ZNF536: variants seen among roughly 807,000 people sequenced by gnomAD.
ZNF536 encodes zinc finger protein 536.
Under a neutral mutation model 84.5 loss-of-function variants are expected in ZNF536, and 13 were observed. The observed-to-expected ratio is 0.15, with a 90% CI of 0.10 to 0.24. The LOEUF (loss-of-function observed/expected upper bound fraction) is 0.24, where lower values mean the gene tolerates loss of function less well. ZNF536 is among the 10% of genes least tolerant of loss of function. The pLI is 1.00. For synonymous variants in ZNF536, 811 were observed against 742.5 expected (o/e 1.09, Z -1.50); for missense variants, 1,536 against 1,747.5 (o/e 0.88, Z 2.16).
chr19:30,474,578 T>C (rs1317511145), intron 2 of ZNF536, among the ~76,000 whole-genome samples: 1 of 152,122 alleles, frequency 6.6e-6, no homozygotes, highest in Non-Finnish European at 1.5e-5. Context: ...AAAGCACTGA[T>C]GTGTTGTCAA....
chr19:30,230,549 C>T (rs531545375), intron 1 of ZNF536, among the ~76,000 whole-genome samples: 6 of 152,290 alleles, frequency 3.9e-5, no homozygotes, highest in African/African-American at 1.4e-4. Flanking sequence ...GCGACAGTCA[C>T]GCTGTTCTGG....
Position 30,383,763 on chromosome 19 carries a change from C to CTTTCTTTCTTCTTTCT in ZNF536, c.-3+11217_-3+11218insCTTTCTTTTCTTTCTT, listed in dbSNP as rs1555737993. Among the ~76,000 whole-genome samples, 91 of 83,320 alleles carry CTTTCTTTCTTCTTTCT rather than the reference C, an allele frequency of 1.1e-3. 8 individuals carry two copies. Among genetic ancestry groups the CTTTCTTTCTTCTTTCT allele is most frequent in the South Asian group, 1.8e-3 (4 of 2,202 alleles). 54.7% of individuals were successfully genotyped at this position (83,320 alleles called of 152,430 possible). Reference sequence around the variant, plus strand: ...TCTTTCTCTTTCTTTCTTTCTCTTTCTTTCTTTCTTTTCTTTCTTTCTTTC... The same window carrying CTTTCTTTCTTCTTTCT: ...TCTTTCTCTTTCTTTCTTTCTCTTTCTTTCTTTCTTCTTTCTTTTCTTTCTTTTCTTTCTTTCTTTC... On this transcript the variant is annotated intron_variant, in intron 1 of 4. Coordinates refer to ENST00000355537, the MANE Select transcript of ZNF536 (RefSeq NM_014717.3).
intron 1 of ZNF536, among the ~76,000 whole-genome samples, chr19:30,426,114 C>A (rs2051202006): frequency 6.6e-6 from 1 of 152,184 alleles, no homozygotes; most frequent in African/African-American, 2.4e-5. Flanking sequence ...ATCTCTGCAA[C>A]CCCTGAGGAG....
At chr19:30,468,717 C>T (rs1286907801) in intron 2 of ZNF536, among the ~76,000 whole-genome samples, 1 of 152,078 alleles carries the variant, frequency 6.6e-6, no homozygotes, top group African/African-American at 2.4e-5. Flanking sequence ...TGGACAGAAG[C>T]AGCAAATGTC....
At chr19:30,612,835 C>T (rs1296852249) in intron 1 of ZNF536, among the ~76,000 whole-genome samples, 2 of 152,070 alleles carry the variant, frequency 1.3e-5, no homozygotes, top group African/African-American at 2.4e-5. Flanking sequence ...ATCTATAGAC[C>T]TTGTTAAAAT....
At chr19:30,577,423 A>G (rs1354688768) in intron 1 of ZNF536, among the ~76,000 whole-genome samples, 18 of 152,216 alleles carry the variant, frequency 1.2e-4, no homozygotes, top group Non-Finnish European at 1.5e-5. Context: ...AGTTATAAAC[A>G]AAGGACAGAG....
At chr19:30,660,775 G>A (rs1354424591) in intron 1 of ZNF536, among the ~76,000 whole-genome samples, 2 of 152,172 alleles carry the variant, frequency 1.3e-5, no homozygotes, top group African/African-American at 4.8e-5. Flanking sequence ...TGACAGTAGC[G>A]GCTAGTAATC....
intron 2 of ZNF536, among the ~76,000 whole-genome samples, chr19:30,329,397 G>A (rs572206849): frequency 6.6e-6 from 1 of 152,198 alleles, no homozygotes; most frequent in South Asian, 2.1e-4. Context: ...GTGGGGGGCT[G>A]GGGAATGGGA....
intron 1 of ZNF536, among the ~76,000 whole-genome samples, chr19:30,267,579 A>G (rs75205088): frequency 0.034 from 5,170 of 152,156 alleles, 283 homozygotes; most frequent in African/African-American, 0.12. Flanking sequence ...CATCATGGGA[A>G]GGAGGGGCCA....
chr19:30,657,452 C>G (rs2049954991), intron 1 of ZNF536, among the ~76,000 whole-genome samples: 1 of 152,236 alleles, frequency 6.6e-6, no homozygotes, highest in African/African-American at 2.4e-5. Flanking sequence ...TCTCCTGTGG[C>G]AGCTAGGAGA....
At chr19:30,670,576 G>A (rs574013468) in intron 1 of ZNF536, among the ~76,000 whole-genome samples, 1 of 152,362 alleles carries the variant, frequency 6.6e-6, no homozygotes, top group African/African-American at 2.4e-5. Flanking sequence ...CTCCCCCGCA[G>A]ACGGGTCTCG....
chr19:30,672,665 A>G (rs1394064602), intron 1 of ZNF536, among the ~76,000 whole-genome samples: 1 of 152,186 alleles, frequency 6.6e-6, no homozygotes, highest in African/African-American at 2.4e-5. Flanking sequence ...AACACATCAA[A>G]TTCTCTGCTA....
chr19:30,416,573 A>G (rs1443105237), intron 1 of ZNF536, among the ~76,000 whole-genome samples: 1 of 152,032 alleles, frequency 6.6e-6, no homozygotes, highest in Admixed American at 6.5e-5. Flanking sequence ...GCAGGAAAAT[A>G]GGCAGGCTGG....
intron 1 of ZNF536, among the ~76,000 whole-genome samples, chr19:30,420,212 T>C (rs935639049): frequency 3.9e-5 from 6 of 152,186 alleles, no homozygotes; most frequent in African/African-American, 1.4e-4. Context: ...AATTAAATCC[T>C]TTAAGGAAGC....
intron 1 of ZNF536, among the ~76,000 whole-genome samples, chr19:30,283,193 A>G (rs554151713): frequency 2.0e-5 from 3 of 152,318 alleles, no homozygotes; most frequent in Admixed American, 2.0e-4. Context: ...TTTCAGTAAA[A>G]TATAATTTAT....
At chr19:30,662,493 T>A (rs2050155411) in intron 1 of ZNF536, among the ~76,000 whole-genome samples, 2 of 152,150 alleles carry the variant, frequency 1.3e-5, no homozygotes, top group South Asian at 4.1e-4. Context: ...CAATCTGGAT[T>A]ATGTCAGTTG....
At chr19:30,304,044 C>G (rs1265132048) in intron 2 of ZNF536, among the ~76,000 whole-genome samples, 3 of 152,188 alleles carry the variant, frequency 2.0e-5, no homozygotes, top group African/African-American at 4.8e-5. Flanking sequence ...CTGGATGGAG[C>G]AGCGTGGGGG....
In ZNF536 at chr19:30,545,436, C is replaced by T. The variant is rs999716409; in HGVS notation, c.2324-2507C>T. Among the ~76,000 whole-genome samples, 34 of 113,506 alleles carry T rather than the reference C, an allele frequency of 3.0e-4. 1 individual carries two copies. Among genetic ancestry groups the T allele is most frequent in the African/African-American group, 8.7e-4 (25 of 28,774 alleles). 74.5% of individuals were successfully genotyped at this position (113,506 alleles called of 152,430 possible). A position where few individuals can be genotyped will look rare whatever the true frequency, so the allele number is the denominator to read the frequency against. On this transcript the variant is annotated intron_variant, in intron 3 of 4. Coordinates refer to ENST00000355537, the MANE Select transcript of ZNF536 (RefSeq NM_014717.3). ...TTTTTGAGATGGAGTCTTGCTCTGT[C>T]GCCCAGGCTGGAGTGCAGTGGCGCC...
intron 2 of ZNF536, among the ~76,000 whole-genome samples, chr19:30,507,271 A>C (rs1383258979): frequency 6.6e-6 from 1 of 152,176 alleles, no homozygotes; most frequent in African/African-American, 2.4e-5. Flanking sequence ...CTGAGGCCTG[A>C]ACCCGGATGG....
Sources: gnomAD v4.1 joint callset for allele counts (sites outside exome capture counted in the v4.1 genomes callset) on GRCh38, gnomAD v4.1.1 for gene constraint, MANE v1.5 for transcripts, NCBI Gene and HGNC (gene_info 2026-07-23, HGNC 2026-07-21) for gene names.